The following SF3A3 variants were observed in gnomAD, a reference collection of about 807,000 sequenced individuals.
SF3A3 encodes the protein splicing factor 3a subunit 3, also known as SAP 61.
SF3A3 carries 9 observed loss-of-function variants against 85.8 expected under a neutral mutation model. That is an observed-to-expected ratio of 0.10 (90% CI 0.06 to 0.18). The LOEUF (loss-of-function observed/expected upper bound fraction) is 0.18, where lower values mean the gene tolerates loss of function less well. Ranked by LOEUF, SF3A3 falls within the 10% of genes least tolerant of loss-of-function variation. SF3A3 has a pLI of 1.00. For synonymous variants in SF3A3, 195 were observed against 204.4 expected, an observed-to-expected ratio of 0.95 and a Z score of 0.39; for missense variants, 306 against 593.3, an observed-to-expected ratio of 0.52 and a Z score of 5.03.
intron 12 of SF3A3, among the ~76,000 whole-genome samples, chr1:37,970,387 T>C (rs1646330174): frequency 6.6e-6 from 1 of 150,996 alleles, no homozygotes; most frequent in African/African-American, 2.4e-5. Context: ...CAAAGAGACT[T>C]AGACTCCCAC....
intron 7 of SF3A3, among the ~76,000 whole-genome samples, chr1:37,981,518 T>C (rs1262120894): frequency 1.3e-5 from 2 of 152,220 alleles, no homozygotes; most frequent in East Asian, 3.8e-4. Flanking sequence ...GGGCATAAGA[T>C]GGAAGATGTG....
Position 37,958,038 on chromosome 1 carries a change from G to C in SF3A3, c.*148C>G, listed in dbSNP as rs1382977684. 1.6e-6 allele frequency: 1 copy of C among 626,412 alleles called. No homozygotes were observed. Among genetic ancestry groups the C allele is most frequent in the Non-Finnish European group, 2.9e-6 (1 of 346,302 alleles). The allele number at this position is 626,412 out of a possible 1,614,324, so 38.8% of individuals were successfully genotyped here. Reference sequence around the variant, plus strand: ...AAAACACATCTCAACCCTGCAATCTGCCAGCATGCCTTGTTTCTACAAGAT... The same window carrying C: ...AAAACACATCTCAACCCTGCAATCTCCCAGCATGCCTTGTTTCTACAAGAT... On this transcript the variant is annotated 3_prime_UTR_variant, in exon 17 of 17. Transcript: ENST00000373019.
At chr1:37,988,455 C>A (rs1646470303) in intron 2 of SF3A3, among the ~76,000 whole-genome samples, 2 of 152,078 alleles carry the variant, frequency 1.3e-5, no homozygotes, top group African/African-American at 4.8e-5. Flanking sequence ...CCTTATTTAC[C>A]AAGTGGGATA....
chr1:37,986,435 C>T (rs1169062729), intron 4 of SF3A3, among the ~76,000 whole-genome samples: 1 of 152,152 alleles, frequency 6.6e-6, no homozygotes, highest in Non-Finnish European at 1.5e-5. Context: ...AGTAAGGCAA[C>T]ACCACCTGGA....
chr1:37,961,364 C>T (rs1646256535), intron 15 of SF3A3, among the ~76,000 whole-genome samples: 1 of 151,792 alleles, frequency 6.6e-6, no homozygotes, highest in Admixed American at 6.6e-5. Context: ...GCAGGCGGAA[C>T]ACCTGAGGTC....
chr1:37,974,384 C>G (rs1170201510), intron 12 of SF3A3, among the ~76,000 whole-genome samples: 1 of 146,850 alleles, frequency 6.8e-6, no homozygotes, highest in Admixed American at 6.9e-5. Context: ...CTCACTGCAA[C>G]CTCTGCCTCC....
chr1:37,989,173 T>C (rs1475557651), intron 2 of SF3A3, among the ~76,000 whole-genome samples: 1 of 151,984 alleles, frequency 6.6e-6, no homozygotes, highest in Non-Finnish European at 1.5e-5. Context: ...CGAGCGCCTG[T>C]AGTCCCAACT....
At chr1:37,972,962 CCT>C in intron 12 of SF3A3, among the ~76,000 whole-genome samples, 1 of 152,126 alleles carries the variant, frequency 6.6e-6, no homozygotes, top group Non-Finnish European at 1.5e-5. Context: ...GGGTGGATCA[CCT>C]GAGGTCGGGA....
intron 11 of SF3A3, among the ~76,000 whole-genome samples, chr1:37,978,481 T>C (rs1385049986): frequency 6.6e-6 from 1 of 152,088 alleles, no homozygotes; most frequent in Non-Finnish European, 1.5e-5. Context: ...AAAGGTGCCA[T>C]GAATATGGTT....
intron 4 of SF3A3, among the ~76,000 whole-genome samples, chr1:37,986,741 G>A (rs1570471636): frequency 6.7e-6 from 1 of 149,714 alleles, no homozygotes; most frequent in Admixed American, 6.7e-5. Context: ...GAACTCGGGA[G>A]GTGGAGCTTG....
At chr1:37,987,711 A>G (rs902949419) in intron 3 of SF3A3, 33 bp from the exon 4 acceptor site, 1 of 1,609,002 alleles carries the variant, frequency 6.2e-7, no homozygotes, top group South Asian at 1.1e-5. Flanking sequence ...AAGAAGATAG[A>G]GCACAAAGTC....
Position 37,960,665 on chromosome 1 carries a change from T to C in SF3A3, c.1373-490A>G, listed in dbSNP as rs569290664. 6.8e-3 allele frequency: 1,053 copies of C among 154,058 alleles called. 7 individuals are homozygous for C. The highest frequency in any genetic ancestry group is 0.01 in the Non-Finnish European group (704 of 69,190). 9.5% of individuals were successfully genotyped at this position (154,058 alleles called of 1,614,324 possible). A position where few individuals can be genotyped will look rare whatever the true frequency, so the allele number is the denominator to read the frequency against. On this transcript the variant is annotated intron_variant, in intron 15 of 16. Coordinates refer to ENST00000373019, the MANE Select transcript of SF3A3 (RefSeq NM_006802.4). ...GGGAAAGAACAACTTGAATCTTTTT[T>C]TTTGAGACGGACTCTCGCTCTGTCG...
At chr1:37,960,568 C>T (rs1226567786) in intron 15 of SF3A3, 3 of 175,962 alleles carry the variant, frequency 1.7e-5, no homozygotes, top group African/African-American at 7.2e-5. Flanking sequence ...GTAAAGACAT[C>T]CAAAAAAATC....
intron 4 of SF3A3, among the ~76,000 whole-genome samples, chr1:37,985,604 T>A (rs924396845): frequency 5.9e-5 from 9 of 152,234 alleles, no homozygotes; most frequent in African/African-American, 2.2e-4. Flanking sequence ...TTTTTTAACA[T>A]AAAAGACTTG....
intron 12 of SF3A3, among the ~76,000 whole-genome samples, chr1:37,971,393 A>G (rs1646343545): frequency 6.6e-6 from 1 of 152,114 alleles, no homozygotes; most frequent in Non-Finnish European, 1.5e-5. Flanking sequence ...AAAGTCCAGG[A>G]CCAGACGGAT....
chr1:37,970,340 A>AT (rs1646329864), intron 12 of SF3A3, among the ~76,000 whole-genome samples: 1 of 151,722 alleles, frequency 6.6e-6, no homozygotes, highest in African/African-American at 2.4e-5. Flanking sequence ...ACAATACAGG[A>AT]GCACCCAGAT....
chr1:37,982,528 G>A (rs369117155), intron 6 of SF3A3, among the ~76,000 whole-genome samples: 39 of 152,076 alleles, frequency 2.6e-4, no homozygotes, highest in African/African-American at 8.7e-4. Context: ...GAGCCACCAT[G>A]CCCGGCTAAT....
intron 6 of SF3A3, 131 bp from the exon 7 acceptor site, chr1:37,981,942 G>T: frequency 8.0e-6 from 4 of 499,752 alleles, no homozygotes; most frequent in Non-Finnish European, 1.4e-5. Flanking sequence ...GGCTAATTTT[G>T]GTTTTTTTTG....
intron 7 of SF3A3, among the ~76,000 whole-genome samples, chr1:37,981,256 A>G (rs567422983): frequency 6.6e-6 from 1 of 152,288 alleles, no homozygotes; most frequent in East Asian, 1.9e-4. Flanking sequence ...CTAAATACTA[A>G]GGTCTTAATT....
Sources: gnomAD v4.1 joint callset for allele counts (sites outside exome capture counted in the v4.1 genomes callset) on GRCh38, gnomAD v4.1.1 for gene constraint, MANE v1.5 for transcripts, NCBI Gene and HGNC (gene_info 2026-07-23, HGNC 2026-07-21) for gene names.